Variants in RGS6 observed in about 807,000 individuals in gnomAD.
The protein encoded by RGS6 is regulator of G-protein signaling 6.
RGS6 carries 30 observed loss-of-function variants against 78.5 expected under a neutral mutation model. The ratio of observed to expected loss-of-function variants is 0.38; its 90% CI spans 0.29 to 0.52. The LOEUF (loss-of-function observed/expected upper bound fraction) is 0.52, where lower values mean the gene tolerates loss of function less well. Ranked by LOEUF, RGS6 falls within the 20% of genes least tolerant of loss-of-function variation. The pLI, the probability that RGS6 is intolerant of heterozygous loss-of-function variation, is 0.85. For missense variants in RGS6, 495 were observed against 609.7 expected (o/e 0.81, Z 1.98); for synonymous variants, 206 against 206.0 (o/e 1.00, Z 0.00).
rs534602653 is a variant in RGS6, at chr14:72,501,521, A to T, written c.965+6259A>T. 7.9e-5 allele frequency among the ~76,000 whole-genome samples: 12 copies of T among 152,342 alleles called. No homozygotes were observed. In the South Asian group the frequency reaches 1.5e-3, roughly 18 times the overall value. On this transcript the variant is annotated intron_variant, in intron 13 of 17. Transcript: ENST00000553525. The stretch of plus-strand genomic sequence containing the variant: ...CAGAACAAGACCCCTAAAGAAAAAG[A>T]GTAAATTCTGAGAAGTAAAGTTTAA...
Position 72,510,202 on chromosome 14 carries a change from T to C in RGS6, c.1014T>C (p.Asp338=). ...QRVKRWGFSF[D]EILKDQVGRD... is the part of the protein sequence containing the mutation. ...TAAAAAGATGGGGCTTCTCTTTCGA[T>C]GAGATATTGAAGGACCAGGTGGGGC... Residue 338 remains aspartate (D), a synonymous_variant, in exon 14 of 18, where the codon GAT becomes GAC. Transcript: ENST00000553525. The C allele has an allele frequency of 2.5e-6, 4 of 1,595,900 alleles. No individual in the cohort carries two copies. Among genetic ancestry groups the C allele is most frequent in the Non-Finnish European group, 3.4e-6 (4 of 1,164,152 alleles).
intron 3 of RGS6, among the ~76,000 whole-genome samples, chr14:72,385,726 C>G (rs1295436593): frequency 6.6e-6 from 1 of 152,192 alleles, no homozygotes; most frequent in South Asian, 2.1e-4. Context: ...GGGACACTGT[C>G]TCCCATCTCC....
intron 3 of RGS6, among the ~76,000 whole-genome samples, chr14:72,406,818 G>C (rs1482400054): frequency 6.6e-6 from 1 of 152,166 alleles, no homozygotes; most frequent in Non-Finnish European, 1.5e-5. Flanking sequence ...TGGACTCGGA[G>C]GGAAGTCAGC....
chr14:72,097,803 G>T (rs551174048), intron 2 of RGS6, among the ~76,000 whole-genome samples: 1 of 152,250 alleles, frequency 6.6e-6, no homozygotes, highest in South Asian at 2.1e-4. Context: ...CAATTCCTGT[G>T]CCTATCACTT....
chr14:71,922,018 C>T, the RGS6 span, among the ~76,000 whole-genome samples: 1 of 152,188 alleles, frequency 6.6e-6, no homozygotes, highest in Admixed American at 6.5e-5. Flanking sequence ...TTAAATCCCA[C>T]CTATTTTTTA....
intron 3 of RGS6, among the ~76,000 whole-genome samples, chr14:72,418,480 ACTT>A (rs2093974822): frequency 1.3e-5 from 2 of 152,136 alleles, no homozygotes; most frequent in Admixed American, 1.3e-4. Flanking sequence ...TTCAAAATAA[ACTT>A]CTTTACCAGG....
At chr14:72,600,632 C>T in the RGS6 span, among the ~76,000 whole-genome samples, 1 of 151,912 alleles carries the variant, frequency 6.6e-6, no homozygotes, top group African/African-American at 2.4e-5. Context: ...GCCCTGAAGC[C>T]CAGCCATGGT....
chr14:72,331,754 C>A (rs941310403), intron 2 of RGS6, among the ~76,000 whole-genome samples: 1 of 152,216 alleles, frequency 6.6e-6, no homozygotes, highest in Non-Finnish European at 1.5e-5. Flanking sequence ...CAAGGCCACT[C>A]ACCCTGCATG....
At chr14:71,965,347 G>A (rs1378177683) in intron 2 of RGS6, among the ~76,000 whole-genome samples, 1 of 152,242 alleles carries the variant, frequency 6.6e-6, no homozygotes, top group African/African-American at 2.4e-5. Context: ...TGCAAGTAGA[G>A]TGTTACATAA....
At chr14:72,298,680 C>A (rs1180107210) in intron 2 of RGS6, among the ~76,000 whole-genome samples, 2 of 152,014 alleles carry the variant, frequency 1.3e-5, no homozygotes, top group Non-Finnish European at 2.9e-5. Flanking sequence ...CATCTCCTGA[C>A]CTCGTGGTCC....
intron 2 of RGS6, among the ~76,000 whole-genome samples, chr14:72,275,030 T>C (rs2060474093): frequency 6.6e-6 from 1 of 152,200 alleles, no homozygotes; most frequent in Non-Finnish European, 1.5e-5. Context: ...AGTGAAAGTT[T>C]GTCACCCTGG....
At chr14:72,607,152 A>T in the RGS6 span, among the ~76,000 whole-genome samples, 1 of 152,198 alleles carries the variant, frequency 6.6e-6, no homozygotes, top group Non-Finnish European at 1.5e-5. Context: ...CCAACAGAAC[A>T]TGGCACATCT....
At chr14:72,404,105 G>A (rs146592746) in intron 3 of RGS6, among the ~76,000 whole-genome samples, 125 of 152,286 alleles carry the variant, frequency 8.2e-4, no homozygotes, top group African/African-American at 2.7e-3. Context: ...AGTGTTGCTC[G>A]CATGGCATGA....
At chr14:72,185,671 G>T (rs888157272) in intron 2 of RGS6, among the ~76,000 whole-genome samples, 2 of 152,208 alleles carry the variant, frequency 1.3e-5, no homozygotes, top group East Asian at 1.9e-4. Flanking sequence ...CCAGCCAAGT[G>T]CTGTGGCTCA....
At chr14:72,198,191 T>C (rs2040643128) in intron 2 of RGS6, among the ~76,000 whole-genome samples, 1 of 151,926 alleles carries the variant, frequency 6.6e-6, no homozygotes, top group East Asian at 1.9e-4. Flanking sequence ...CGAAACCCCA[T>C]CTCTACAAAA....
the RGS6 span, among the ~76,000 whole-genome samples, chr14:72,585,430 G>A: frequency 6.6e-6 from 1 of 152,176 alleles, no homozygotes; most frequent in African/African-American, 2.4e-5. Context: ...CCTGTGGAAG[G>A]GAAGGGAAAA....
chr14:72,618,196 A>C, the RGS6 span, among the ~76,000 whole-genome samples: 1 of 152,182 alleles, frequency 6.6e-6, no homozygotes, highest in Non-Finnish European at 1.5e-5. Context: ...TTTAGATAAC[A>C]ATCTTCTCTC....
At chr14:72,436,962 G>C (rs1302365777) in intron 3 of RGS6, among the ~76,000 whole-genome samples, 3 of 152,104 alleles carry the variant, frequency 2.0e-5, no homozygotes, top group Non-Finnish European at 4.4e-5. Flanking sequence ...CATTAATGGA[G>C]AGACAGACCA....
chr14:71,888,418 C>CAAA, the RGS6 span, among the ~76,000 whole-genome samples: 7,975 of 143,428 alleles, frequency 0.056, 342 homozygotes, highest in Non-Finnish European at 0.08. Flanking sequence ...AGCTCTGTCT[C>CAAA]AAAAAAAAAA....
Sources: gnomAD v4.1 joint callset for allele counts (sites outside exome capture counted in the v4.1 genomes callset) on GRCh38, gnomAD v4.1.1 for gene constraint, MANE v1.5 for transcripts, NCBI Gene and HGNC (gene_info 2026-07-23, HGNC 2026-07-21) for gene names.